The following CEP70 variants were observed in gnomAD, a reference collection of about 807,000 sequenced individuals.
CEP70 encodes centrosomal protein 70, also known as centrosomal protein of 70 kDa.
A neutral mutation model predicts 90.9 loss-of-function variants in CEP70; 70 were observed. That is an observed-to-expected ratio of 0.77 (90% confidence interval 0.64 to 0.94). The LOEUF (loss-of-function observed/expected upper bound fraction) is 0.94, where lower values mean the gene tolerates loss of function less well. Among genes scored for constraint, CEP70 ranks in the 40% least tolerant of loss-of-function variants. CEP70 has a pLI of 0.00. For synonymous variants in CEP70, 220 were observed against 228.3 expected (o/e 0.96, Z 0.33); for missense variants, 648 against 669.0 (o/e 0.97, Z 0.35).
intron 11 of CEP70, among the ~76,000 whole-genome samples, chr3:138,518,120 C>A (rs938439665): frequency 6.6e-6 from 1 of 152,218 alleles, no homozygotes; most frequent in Admixed American, 6.5e-5. Flanking sequence ...TGCAAGGCGG[C>A]AGCGAGGCTG....
At chr3:138,515,162 A>G (rs1013326679) in intron 11 of CEP70, among the ~76,000 whole-genome samples, 3 of 152,168 alleles carry the variant, frequency 2.0e-5, no homozygotes, top group African/African-American at 7.2e-5. Flanking sequence ...CACTGCTCCT[A>G]GAGGAAATAC....
At chr3:138,524,604 GATATGA>G (rs2037021306) in intron 11 of CEP70, among the ~76,000 whole-genome samples, 1 of 152,104 alleles carries the variant, frequency 6.6e-6, no homozygotes, top group Admixed American at 6.5e-5. Context: ...GTGGGCAAAG[GATATGA>G]ACAGACACTT....
intron 6 of CEP70, among the ~76,000 whole-genome samples, chr3:138,544,087 A>G (rs2038974817): frequency 6.6e-6 from 1 of 152,208 alleles, no homozygotes; most frequent in Admixed American, 6.5e-5. Flanking sequence ...CCAGGAGTTC[A>G]AGACCAACCT....
At chr3:138,527,353 A>G (rs1425610560) in intron 10 of CEP70, among the ~76,000 whole-genome samples, 1 of 149,808 alleles carries the variant, frequency 6.7e-6, no homozygotes, top group Admixed American at 6.7e-5. Context: ...TTAATATGGA[A>G]CGCTTCATGA....
chr3:138,518,991 C>G (rs1446825684), intron 11 of CEP70, among the ~76,000 whole-genome samples: 1 of 152,072 alleles, frequency 6.6e-6, no homozygotes, highest in Non-Finnish European at 1.5e-5. Context: ...CCTTAAAGGA[C>G]CTGATGGAGC....
At chr3:138,562,037 A>G (rs2040446274) in intron 6 of CEP70, among the ~76,000 whole-genome samples, 1 of 151,110 alleles carries the variant, frequency 6.6e-6, no homozygotes, top group Non-Finnish European at 1.5e-5. Context: ...AAAAAAAAAA[A>G]AGAAGAACTT....
intron 2 of CEP70, among the ~76,000 whole-genome samples, chr3:138,586,808 A>G (rs887203523): frequency 6.6e-6 from 1 of 152,196 alleles, no homozygotes; most frequent in Non-Finnish European, 1.5e-5. Flanking sequence ...ATAATTGCAC[A>G]CTTTTAAGTA....
At chr3:138,580,515 A>G (rs1241708737) in intron 2 of CEP70, among the ~76,000 whole-genome samples, 2 of 152,216 alleles carry the variant, frequency 1.3e-5, no homozygotes, top group African/African-American at 4.8e-5. Context: ...CTGAGATCAC[A>G]ACACTCAAGT....
At chr3:138,590,859 T>C (rs1174601004) in intron 2 of CEP70, among the ~76,000 whole-genome samples, 2 of 151,776 alleles carry the variant, frequency 1.3e-5, no homozygotes, top group Non-Finnish European at 2.9e-5. Flanking sequence ...TACAAAACTA[T>C]AAAACCCAGA....
intron 10 of CEP70, 34 bp from the exon 11 acceptor site, chr3:138,525,598 T>A (rs752807296): frequency 9.7e-7 from 1 of 1,028,238 alleles, no homozygotes; most frequent in Non-Finnish European, 1.3e-6. Context: ...ATTAATTCAA[T>A]TTACTGAATA....
At chr3:138,540,812 A>G (rs1392972264) in intron 6 of CEP70, among the ~76,000 whole-genome samples, 2 of 152,236 alleles carry the variant, frequency 1.3e-5, no homozygotes, top group Admixed American at 6.5e-5. Flanking sequence ...CTGCAGCACT[A>G]TTCACAACAG....
chr3:138,542,405 C>T (rs2038843758), intron 6 of CEP70, among the ~76,000 whole-genome samples: 1 of 152,172 alleles, frequency 6.6e-6, no homozygotes, highest in South Asian at 2.1e-4. Context: ...GGTTTGGGAT[C>T]CCAGAAGAGT....
intron 5 of CEP70, among the ~76,000 whole-genome samples, chr3:138,570,821 GCAA>G (rs2041121635): frequency 6.6e-6 from 1 of 152,002 alleles, no homozygotes; most frequent in Non-Finnish European, 1.5e-5. Flanking sequence ...TGCTCATCCT[GCAA>G]CAGAAACTAA....
chr3:138,575,179 C>T (rs2041428556), intron 2 of CEP70, among the ~76,000 whole-genome samples: 1 of 152,096 alleles, frequency 6.6e-6, no homozygotes, highest in African/African-American at 2.4e-5. Flanking sequence ...TGTTCAAACC[C>T]ATCACAAGGA....
At chr3:138,549,996 C>T (rs964173661) in intron 6 of CEP70, among the ~76,000 whole-genome samples, 3 of 152,112 alleles carry the variant, frequency 2.0e-5, no homozygotes, top group African/African-American at 7.2e-5. Context: ...CAGGAAGCCA[C>T]ATCCCTGGAA....
rs148587442 is a variant in CEP70 at position 138,571,836 on chromosome 3, C to T, written c.70-480G>A. 4.8e-3 allele frequency among the ~76,000 whole-genome samples: 728 copies of T among 152,222 alleles called. 4 individuals carry two copies. Among genetic ancestry groups the T allele is most frequent in the African/African-American group, 0.017 (700 of 41,534 alleles). ...CTCTGTCACCTAGGCTGGAGTGCAG[C>T]GGTACGATCTCGGCTCACTGCAAGC... On this transcript the variant is annotated intron_variant, in intron 3 of 17. Transcript: ENST00000264982.
chr3:138,541,361 T>C (rs1001992925), intron 6 of CEP70, among the ~76,000 whole-genome samples: 5 of 151,180 alleles, frequency 3.3e-5, no homozygotes, highest in African/African-American at 9.7e-5. Flanking sequence ...AGAAAGCATA[T>C]TGGCCAGGAG....
At position 138,571,258 on chromosome 3, in the gene CEP70, C is replaced by A; in HGVS notation, c.160+8G>T. 1 of 1,595,740 alleles carries A rather than the reference C, an allele frequency of 6.3e-7. No individual in the cohort carries two copies. Among genetic ancestry groups the A allele is most frequent in the Non-Finnish European group, 8.5e-7 (1 of 1,170,792 alleles). On this transcript the variant is annotated splice_region_variant and intron_variant, in intron 4 of 17. Coordinates refer to ENST00000264982, the MANE Select transcript of CEP70 (RefSeq NM_024491.4). ...TTACCTTAAGCATCAAGAATAGGAT[C>A]TAATTACCTTTGAGATCTGTTCTTT...
chr3:138,535,985 G>A (rs546528773), intron 7 of CEP70, among the ~76,000 whole-genome samples: 1 of 151,952 alleles, frequency 6.6e-6, no homozygotes, highest in Non-Finnish European at 1.5e-5. Flanking sequence ...GTGTATATAT[G>A]TGCATTATCT....
Sources: gnomAD v4.1 joint callset for allele counts (sites outside exome capture counted in the v4.1 genomes callset) on GRCh38, gnomAD v4.1.1 for gene constraint, MANE v1.5 for transcripts, NCBI Gene and HGNC (gene_info 2026-07-23, HGNC 2026-07-21) for gene names.